The following TAX1BP1 variants were observed in gnomAD, a reference collection of about 807,000 sequenced individuals.
The protein encoded by TAX1BP1 is Tax1 binding protein 1.
A neutral mutation model predicts 97.7 loss-of-function variants in TAX1BP1; 62 were observed. That is an observed-to-expected ratio of 0.63 (90% CI 0.52 to 0.78). The LOEUF (loss-of-function observed/expected upper bound fraction) is 0.78. Among genes scored for constraint, TAX1BP1 ranks in the 30% least tolerant of loss-of-function variants. TAX1BP1 has a pLI of 0.00. For missense variants in TAX1BP1, 867 were observed against 916.1 expected, an observed-to-expected ratio of 0.95 and a Z score of 0.69; for synonymous variants, 340 against 304.2, an observed-to-expected ratio of 1.12 and a Z score of -1.23.
intron 15 of TAX1BP1, among the ~76,000 whole-genome samples, chr7:27,819,948 A>G (rs1790912762): frequency 6.6e-6 from 1 of 152,146 alleles, no homozygotes; most frequent in South Asian, 2.1e-4. Flanking sequence ...TGCTCCTCAA[A>G]AAAGTGGTTT....
intron 15 of TAX1BP1, among the ~76,000 whole-genome samples, chr7:27,820,228 C>G (rs1291665196): frequency 6.6e-6 from 1 of 152,216 alleles, no homozygotes; most frequent in East Asian, 1.9e-4. Flanking sequence ...CCTTTCTCCT[C>G]TATCAAAGAC....
At chr7:27,813,742 G>C (rs1019166321) in intron 13 of TAX1BP1, among the ~76,000 whole-genome samples, 1 of 152,190 alleles carries the variant, frequency 6.6e-6, no homozygotes, top group Admixed American at 6.5e-5. Context: ...GTGAAAATCA[G>C]TGAGAAACAG....
chr7:27,797,010 T>A (rs946861018), intron 12 of TAX1BP1, among the ~76,000 whole-genome samples: 1 of 151,778 alleles, frequency 6.6e-6, no homozygotes, highest in African/African-American at 2.4e-5. Flanking sequence ...TTTTATTTTT[T>A]TTTTTGATAC....
chr7:27,757,916 A>G, intron 2 of TAX1BP1, 115 bp from the exon 3 acceptor site: 1 of 546,114 alleles, frequency 1.8e-6, no homozygotes, highest in Admixed American at 3.6e-5. Flanking sequence ...CATGATTTGT[A>G]AACATATTAA....
At chr7:27,801,703 A>C (rs1382428581) in intron 13 of TAX1BP1, among the ~76,000 whole-genome samples, 1 of 152,234 alleles carries the variant, frequency 6.6e-6, no homozygotes, top group African/African-American at 2.4e-5. Context: ...ATGGGAAGCT[A>C]AACAGGTAAT....
At chr7:27,774,507 TA>T (rs1325023341) in intron 5 of TAX1BP1, among the ~76,000 whole-genome samples, 2 of 152,138 alleles carry the variant, frequency 1.3e-5, no homozygotes, top group Non-Finnish European at 2.9e-5. Flanking sequence ...ATTTATGGAA[TA>T]AATAGATAAC....
At chr7:27,793,255 T>A in intron 10 of TAX1BP1, 43 bp downstream of exon 10, 1 of 1,486,310 alleles carries the variant, frequency 6.7e-7, no homozygotes, top group Non-Finnish European at 9.0e-7. Context: ...GTGTTGTTAG[T>A]ATTTTTGTTC....
chr7:27,747,866 A>ATT (rs112229151), intron 1 of TAX1BP1, among the ~76,000 whole-genome samples: 5 of 145,908 alleles, frequency 3.4e-5, no homozygotes, highest in African/African-American at 1.2e-4. Flanking sequence ...GTTGTCATCT[A>ATT]TTTTTTTTTT....
intron 8 of TAX1BP1, among the ~76,000 whole-genome samples, chr7:27,791,740 C>T (rs1789716579): frequency 6.6e-6 from 1 of 152,134 alleles, no homozygotes; most frequent in Non-Finnish European, 1.5e-5. Flanking sequence ...GGTCCTTAAG[C>T]ACTGGGTATG....
intron 5 of TAX1BP1, among the ~76,000 whole-genome samples, chr7:27,781,168 T>C (rs1032964766): frequency 2.0e-5 from 3 of 152,220 alleles, no homozygotes; most frequent in Non-Finnish European, 2.9e-5. Context: ...GGATCTGTTA[T>C]TTTCTGTAAA....
At chr7:27,803,442 C>T (rs1414993776) in intron 13 of TAX1BP1, among the ~76,000 whole-genome samples, 2 of 152,216 alleles carry the variant, frequency 1.3e-5, no homozygotes, top group South Asian at 4.1e-4. Flanking sequence ...TACTATAGTG[C>T]AGCATTTCTG....
intron 3 of TAX1BP1, among the ~76,000 whole-genome samples, chr7:27,765,483 C>T (rs906296350): frequency 2.0e-5 from 3 of 152,190 alleles, no homozygotes; most frequent in East Asian, 1.9e-4. Context: ...CACCCCCACT[C>T]CCAGTCCTCA....
In TAX1BP1 at chr7:27,816,980, G is replaced by T. The variant is rs1447262450; in HGVS notation, c.2027G>T (p.Ser676Ile). The T allele has an allele frequency of 6.2e-7, 1 of 1,614,088 alleles. No homozygotes were observed. Among genetic ancestry groups the T allele is most frequent in the East Asian group, 2.2e-5 (1 of 44,882 alleles). Residue 676 changes from serine (S) to isoleucine (I), a missense_variant, in exon 15 of 17, where the codon AGC (serine) becomes ATC (isoleucine). Coordinates refer to ENST00000396319, the MANE Select transcript of TAX1BP1 (RefSeq NM_006024.7). ...GGACTGGAAGACAATGTTGTCTGCAGCCAGCCTGCTCGAAACTTTAGTCGG... is the reference window on the plus strand; with the variant it reads ...GGACTGGAAGACAATGTTGTCTGCATCCAGCCTGCTCGAAACTTTAGTCGG... ...SWGLEDNVVC[S>I]QPARNFSRPD...
chr7:27,777,608 A>AG (rs1483480233), intron 5 of TAX1BP1, among the ~76,000 whole-genome samples: 2 of 152,038 alleles, frequency 1.3e-5, no homozygotes. Flanking sequence ...TCAAGACTTG[A>AG]GGGGGACTCC....
chr7:27,756,412 C>T (rs1276933841), intron 2 of TAX1BP1, among the ~76,000 whole-genome samples: 2 of 152,122 alleles, frequency 1.3e-5, no homozygotes, highest in Non-Finnish European at 2.9e-5. Context: ...ACTTTTTACT[C>T]AGGATTGTAT....
intron 5 of TAX1BP1, 65 bp from the exon 6 acceptor site, chr7:27,785,098 A>G (rs1789423169): frequency 5.4e-6 from 8 of 1,483,070 alleles, no homozygotes; most frequent in African/African-American, 2.8e-5. Context: ...TCTTAAAGAT[A>G]TGCAAATTTG....
chr7:27,828,881 A>C lies in TAX1BP1; in HGVS notation c.*52A>C, dbSNP rs536715693. 1.1e-3 allele frequency: 1,460 copies of C among 1,329,522 alleles called. 5 individuals are homozygous for C. The African/African-American group carries it at 0.018, about 16-fold the overall frequency. The allele number at this position is 1,329,522 out of a possible 1,614,324, so 82.4% of individuals were successfully genotyped here. A position where few individuals can be genotyped will look rare whatever the true frequency, so the allele number is the denominator to read the frequency against. ...TTTAGCAGTAAAAAAAAAAAAAAAA[A>C]CCACACCTAAAATAGACCACTGAGG... On this transcript the variant is annotated 3_prime_UTR_variant, in exon 17 of 17. Coordinates refer to ENST00000396319, the MANE Select transcript of TAX1BP1 (RefSeq NM_006024.7).
intron 5 of TAX1BP1, among the ~76,000 whole-genome samples, chr7:27,774,760 T>G (rs1328637339): frequency 6.6e-6 from 1 of 152,168 alleles, no homozygotes; most frequent in Non-Finnish European, 1.5e-5. Flanking sequence ...TTTAAGAAGT[T>G]TTAAAAAAGC....
rs541258409 is a variant in TAX1BP1 at position 27,814,454 on chromosome 7, T to TG, written c.1765-1887dup. On this transcript the variant is annotated intron_variant, in intron 13 of 16. Coordinates refer to ENST00000396319, the MANE Select transcript of TAX1BP1 (RefSeq NM_006024.7). ...CATTGTATTGTATCTATAGTTAATT[T>TG]GGGGGGGGAATTAATAGCATAAAAG... Among the ~76,000 whole-genome samples, 237 of 151,916 alleles carry TG rather than the reference T, an allele frequency of 1.6e-3. 1 individual carries two copies. Among genetic ancestry groups the TG allele is most frequent in the African/African-American group, 5.1e-3 (213 of 41,466 alleles).
Sources: allele counts gnomAD v4.1 joint callset (sites outside exome capture counted in the v4.1 genomes callset), GRCh38; gene constraint gnomAD v4.1.1; transcripts MANE v1.5; gene names NCBI Gene and HGNC (gene_info 2026-07-23, HGNC 2026-07-21).